Variants in CASD1 observed in about 807,000 individuals in gnomAD.
CASD1 encodes the protein N-acetylneuraminate (7)9-O-acetyltransferase.
A neutral mutation model predicts 100.0 loss-of-function variants in CASD1; 41 were observed. That is an observed-to-expected ratio of 0.41 (90% CI 0.32 to 0.53). The LOEUF is 0.53. CASD1 is among the 20% of genes least tolerant of loss of function. The pLI, the probability that CASD1 is intolerant of heterozygous loss-of-function variation, is 0.25. For missense variants in CASD1, 774 were observed against 948.7 expected (o/e 0.82, Z 2.42); for synonymous variants, 321 against 315.6 (o/e 1.02, Z -0.18).
intron 8 of CASD1, among the ~76,000 whole-genome samples, chr7:94,536,996 C>A (rs1328577326): frequency 6.6e-6 from 1 of 151,468 alleles, no homozygotes; most frequent in African/African-American, 2.4e-5. Flanking sequence ...TGCTTTTTTT[C>A]CCCCACATTT....
the CASD1 span, among the ~76,000 whole-genome samples, chr7:94,611,155 C>T: frequency 3.9e-5 from 6 of 152,242 alleles, no homozygotes; most frequent in Non-Finnish European, 5.9e-5. Flanking sequence ...GGATATACTT[C>T]AGAAAAATGA....
At chr7:94,623,649 G>A in the CASD1 span, 3 of 489,346 alleles carry the variant, frequency 6.1e-6, no homozygotes, top group Non-Finnish European at 1.1e-5. Context: ...TTTCATAGAA[G>A]GCCATTAAGC....
Position 94,537,730 on chromosome 7 carries a change from T to C in CASD1, c.1102T>C (p.Leu368=), listed in dbSNP as rs1795188542. The change falls in exon 9 of 18, where the codon TTA becomes CTA. Residue 368 remains leucine (L), a synonymous_variant. Coordinates refer to ENST00000297273, the MANE Select transcript of CASD1 (RefSeq NM_022900.5). The part of the protein sequence containing the change: ...NTPVSSLEIL[L]QSFCKLGLIM... The stretch of plus-strand genomic sequence containing the variant: ...CCCTGTGTCTTCATTAGAAATACTT[T>C]TACAATCTTTCTGCAAACTTGGCCT... 8 of 1,613,824 alleles carry C rather than the reference T, an allele frequency of 5.0e-6. No homozygotes were observed. The highest frequency in any genetic ancestry group is 6.8e-6 in the Non-Finnish European group (8 of 1,179,882).
the CASD1 span, chr7:94,617,014 C>G: frequency 2.6e-5 from 4 of 152,238 alleles, no homozygotes; most frequent in South Asian, 8.3e-4. Flanking sequence ...CATGTGCCAC[C>G]CTCTAGCAGG....
the CASD1 span, chr7:94,603,585 G>A: frequency 4.8e-5 from 37 of 777,362 alleles, no homozygotes; most frequent in African/African-American, 1.1e-4. Flanking sequence ...TAGGGGCCTC[G>A]GCTCTAAAAA....
At chr7:94,608,172 T>C in the CASD1 span, among the ~76,000 whole-genome samples, 1 of 151,992 alleles carries the variant, frequency 6.6e-6, no homozygotes, top group Non-Finnish European at 1.5e-5. Flanking sequence ...GACAAAACCA[T>C]CTCTACTAAA....
chr7:94,530,666 G>A (rs949892343), intron 5 of CASD1, among the ~76,000 whole-genome samples: 1 of 152,132 alleles, frequency 6.6e-6, no homozygotes, highest in Non-Finnish European at 1.5e-5. Flanking sequence ...GTAAGTGAAT[G>A]GAAGTCATTA....
intron 3 of CASD1, among the ~76,000 whole-genome samples, chr7:94,520,873 C>T (rs6465415): frequency 0.66 from 100,418 of 151,736 alleles, 34,223 homozygotes; most frequent in African/African-American, 0.84. Context: ...GGGCGGATCA[C>T]CTGAGGTCAG....
chr7:94,581,441 C>T, the CASD1 span, among the ~76,000 whole-genome samples: 1 of 152,054 alleles, frequency 6.6e-6, no homozygotes, highest in Admixed American at 6.5e-5. Context: ...TAAACGTGTG[C>T]CATATGGTTT....
chr7:94,533,710 A>T lies in CASD1; in HGVS notation c.536A>T (p.Glu179Val). Reference protein sequence around the residue: ...WSIKIHNGSSEALSQYKMNIT... With the variant: ...WSIKIHNGSSVALSQYKMNIT... ...ATCAAGATTCACAATGGTAGCAGTGAAGCGCTTTCTCAATATAAAATGAAC... is the reference window on the plus strand; with the variant it reads ...ATCAAGATTCACAATGGTAGCAGTGTAGCGCTTTCTCAATATAAAATGAAC... The change falls in exon 7 of 18, where the codon GAA becomes GTA. Residue 179 changes from glutamate to valine, a missense_variant. This residue lies in a region of CASD1 where 453 missense variants were observed against 532.6 expected (regional missense o/e 0.85). Transcript: ENST00000297273. The T allele has an allele frequency of 6.2e-7, 1 of 1,604,926 alleles. No individual in the cohort carries two copies. The highest frequency in any genetic ancestry group is 8.5e-7 in the Non-Finnish European group (1 of 1,175,732).
the CASD1 span, chr7:94,620,706 A>C: frequency 2.0e-5 from 3 of 152,166 alleles, no homozygotes; most frequent in Non-Finnish European, 2.9e-5. Flanking sequence ...GATCAGTGCT[A>C]CTTTTTGGAG....
At chr7:94,588,465 G>A in the CASD1 span, 1 of 1,356,024 alleles carries the variant, frequency 7.4e-7, no homozygotes, top group Non-Finnish European at 9.5e-7. Flanking sequence ...GACCTCCATG[G>A]ATGCTTTTGC....
At chr7:94,533,531 T>G in intron 6 of CASD1, 148 bp from the exon 7 acceptor site, 1 of 628,778 alleles carries the variant, frequency 1.6e-6, no homozygotes, top group Non-Finnish European at 2.5e-6. Context: ...TTCATATATT[T>G]CATGAACTAA....
chr7:94,586,308 TAAAAG>T, the CASD1 span, among the ~76,000 whole-genome samples: 1 of 151,970 alleles, frequency 6.6e-6, no homozygotes, highest in Admixed American at 6.6e-5. Flanking sequence ...ATAATCAGGG[TAAAAG>T]AAAAGAAAAG....
intron 14 of CASD1, among the ~76,000 whole-genome samples, chr7:94,550,894 T>A (rs1795914906): frequency 1.3e-5 from 2 of 152,188 alleles, no homozygotes; most frequent in Admixed American, 1.3e-4. Flanking sequence ...TACCATATTT[T>A]TTTCACTTTT....
chr7:94,569,485 C>G, the CASD1 span, among the ~76,000 whole-genome samples: 1 of 152,152 alleles, frequency 6.6e-6, no homozygotes, highest in Non-Finnish European at 1.5e-5. Flanking sequence ...GACAGGGTCT[C>G]ACTCTGTCAC....
chr7:94,528,711 C>T (rs949610929), intron 5 of CASD1, among the ~76,000 whole-genome samples: 4 of 151,912 alleles, frequency 2.6e-5, no homozygotes, highest in Non-Finnish European at 4.4e-5. Flanking sequence ...TGTTTTAGCT[C>T]ATGATGTTTG....
chr7:94,624,729 C>T, the CASD1 span: 1 of 152,092 alleles, frequency 6.6e-6, no homozygotes, highest in Non-Finnish European at 1.5e-5. Context: ...AAGTATGATC[C>T]TCTACTATTT....
At position 94,555,828 on chromosome 7, in the gene CASD1, T is replaced by C; in HGVS notation, c.*70T>C. ...TGTGTCTCTAGAAGAGAAAAGCATC[T>C]ATCTGGAGATATAAATGTGTATGTA... is the stretch of plus-strand genomic sequence containing the variant. On this transcript the variant is annotated 3_prime_UTR_variant, in exon 18 of 18. Coordinates refer to ENST00000297273, the MANE Select transcript of CASD1 (RefSeq NM_022900.5). 1 of 1,418,742 alleles carries C rather than the reference T, an allele frequency of 7.0e-7. No individual in the cohort carries two copies. The highest frequency in any genetic ancestry group is 2.3e-5 in the East Asian group (1 of 43,738). 87.9% of individuals were successfully genotyped at this position (1,418,742 alleles called of 1,614,324 possible).
Sources: gnomAD v4.1 joint callset for allele counts (sites outside exome capture counted in the v4.1 genomes callset) on GRCh38, gnomAD v4.1.1 for gene constraint, gnomAD v4.1.1 regional missense constraint, MANE v1.5 for transcripts, NCBI Gene and HGNC (gene_info 2026-07-23, HGNC 2026-07-21) for gene names.